The following DOCK3 variants were observed in gnomAD, a reference collection of about 807,000 sequenced individuals.
The protein encoded by DOCK3 is dedicator of cytokinesis 3.
In DOCK3, 60 loss-of-function variants were observed where a neutral mutation model predicts 265.6. That is an observed-to-expected ratio of 0.23 (90% confidence interval 0.18 to 0.28). The LOEUF is 0.28. DOCK3 is among the 10% of genes least tolerant of loss of function. DOCK3 has a pLI of 1.00. For missense variants in DOCK3, 1,981 were observed against 2,594.3 expected, an observed-to-expected ratio of 0.76 and a Z score of 5.14; for synonymous variants, 881 against 938.0, an observed-to-expected ratio of 0.94 and a Z score of 1.11.
chr3:50,852,417 G>C (rs1272300961), intron 3 of DOCK3, among the ~76,000 whole-genome samples: 3 of 152,116 alleles, frequency 2.0e-5, no homozygotes, highest in African/African-American at 7.2e-5. Flanking sequence ...TAACTTCAAG[G>C]AAGTCCAATT....
intron 3 of DOCK3, chr3:50,877,187 G>T: frequency 3.1e-6 from 1 of 323,206 alleles, no homozygotes; most frequent in South Asian, 2.7e-5. Flanking sequence ...CTGAGCTCCT[G>T]AATGTCATCT....
intron 5 of DOCK3, among the ~76,000 whole-genome samples, chr3:51,051,372 T>C (rs985293723): frequency 1.3e-5 from 2 of 152,168 alleles, no homozygotes; most frequent in South Asian, 4.1e-4. Context: ...GAAACACAAC[T>C]AGAAGACTTG....
chr3:50,982,781 G>A (rs13318721), intron 5 of DOCK3, among the ~76,000 whole-genome samples: 1 of 152,192 alleles, frequency 6.6e-6, no homozygotes, highest in African/African-American at 2.4e-5. Flanking sequence ...GTCAGGCACA[G>A]AGGAGTGGGC....
At chr3:50,768,650 C>T (rs1208151137) in intron 1 of DOCK3, among the ~76,000 whole-genome samples, 1 of 152,178 alleles carries the variant, frequency 6.6e-6, no homozygotes, top group Non-Finnish European at 1.5e-5. Context: ...AAAATTCTTT[C>T]ATCCATTAAT....
At chr3:51,173,343 A>C (rs1164637550) in intron 12 of DOCK3, among the ~76,000 whole-genome samples, 7 of 152,098 alleles carry the variant, frequency 4.6e-5, no homozygotes, top group Non-Finnish European at 1.0e-4. Flanking sequence ...GACTGATCTC[A>C]AACTCCTGGG....
intron 5 of DOCK3, among the ~76,000 whole-genome samples, chr3:50,998,598 A>C (rs1331356328): frequency 7.9e-5 from 12 of 152,170 alleles, no homozygotes; most frequent in Admixed American, 4.6e-4. Context: ...ACTTTTTATA[A>C]ATAGTGTAAA....
chr3:51,338,505 C>T (rs1034260863), intron 36 of DOCK3, 86 bp downstream of exon 36: 9 of 1,460,508 alleles, frequency 6.2e-6, no homozygotes, highest in Admixed American at 5.9e-5. Context: ...TTCTACAATA[C>T]ATGGCTGCAG....
At chr3:50,718,204 A>C (rs1308962723) in intron 1 of DOCK3, among the ~76,000 whole-genome samples, 4 of 152,166 alleles carry the variant, frequency 2.6e-5, no homozygotes, top group African/African-American at 4.8e-5. Flanking sequence ...TAGTTCAGCT[A>C]TCAAATTTAT....
At chr3:51,031,120 T>C (rs779848702) in intron 5 of DOCK3, among the ~76,000 whole-genome samples, 4 of 152,226 alleles carry the variant, frequency 2.6e-5, no homozygotes, top group Non-Finnish European at 5.9e-5. Flanking sequence ...TACTTTTCAA[T>C]TTGCTATGTC....
At chr3:51,091,808 G>A (rs1022634574) in intron 9 of DOCK3, among the ~76,000 whole-genome samples, 5 of 152,052 alleles carry the variant, frequency 3.3e-5, no homozygotes, top group African/African-American at 9.7e-5. Context: ...CGAGGTACCC[G>A]GTTCATCTCA....
chr3:50,869,285 T>C (rs1298331558), intron 3 of DOCK3, among the ~76,000 whole-genome samples: 1 of 150,050 alleles, frequency 6.7e-6, no homozygotes, highest in African/African-American at 2.4e-5. Context: ...AAACCAACTC[T>C]TTTTTCATTT....
intron 5 of DOCK3, among the ~76,000 whole-genome samples, chr3:50,955,722 A>C (rs2076711611): frequency 1.3e-5 from 2 of 152,186 alleles, no homozygotes; most frequent in African/African-American, 4.8e-5. Context: ...TAGAAAGAAT[A>C]ACTATTGGGC....
At chr3:51,209,455 A>C (rs150521887) in intron 13 of DOCK3, among the ~76,000 whole-genome samples, 1 of 152,306 alleles carries the variant, frequency 6.6e-6, no homozygotes, top group African/African-American at 2.4e-5. Context: ...TCTACATATT[A>C]TATTGTTTTC....
chr3:50,730,421 G>A (rs2038124656), intron 1 of DOCK3, among the ~76,000 whole-genome samples: 1 of 152,214 alleles, frequency 6.6e-6, no homozygotes, highest in Non-Finnish European at 1.5e-5. Context: ...GGGATTACAG[G>A]CGTGAGCCGC....
intron 9 of DOCK3, among the ~76,000 whole-genome samples, chr3:51,131,100 A>G (rs2084512302): frequency 6.6e-6 from 1 of 152,104 alleles, no homozygotes. Context: ...TCTCCCTACC[A>G]GTCAGGAAGC....
At chr3:50,987,406 A>AAT (rs1258601649) in intron 5 of DOCK3, among the ~76,000 whole-genome samples, 1 of 152,228 alleles carries the variant, frequency 6.6e-6, no homozygotes, top group Admixed American at 6.5e-5. Flanking sequence ...TCCTTAGAAC[A>AAT]ATCTTATGAG....
intron 27 of DOCK3, among the ~76,000 whole-genome samples, chr3:51,295,430 C>T (rs181057644): frequency 4.5e-4 from 69 of 152,280 alleles, no homozygotes; most frequent in Admixed American, 1.2e-3. Flanking sequence ...TGGATCCACC[C>T]CTATGGCCCA....
intron 5 of DOCK3, among the ~76,000 whole-genome samples, chr3:50,993,487 C>T (rs2078178731): frequency 1.3e-5 from 2 of 152,180 alleles, no homozygotes; most frequent in South Asian, 4.1e-4. Context: ...TAATTAACAT[C>T]TCTTTCAGAT....
chr3:50,682,775 C>G (rs2034503062), intron 1 of DOCK3, among the ~76,000 whole-genome samples: 1 of 152,218 alleles, frequency 6.6e-6, no homozygotes, highest in Admixed American at 6.5e-5. Flanking sequence ...CCTGCCTCTA[C>G]TAAAAATATA....
Sources: allele counts gnomAD v4.1 joint callset (sites outside exome capture counted in the v4.1 genomes callset), GRCh38; gene constraint gnomAD v4.1.1; transcripts MANE v1.5; gene names NCBI Gene and HGNC (gene_info 2026-07-23, HGNC 2026-07-21).